Variants in TOM1L2 observed in about 807,000 individuals in gnomAD.
TOM1L2 encodes TOM1-like protein 2.
In TOM1L2, 31 loss-of-function variants were observed where a neutral mutation model predicts 67.9. That is an observed-to-expected ratio of 0.46 (90% confidence interval 0.34 to 0.62). The LOEUF (loss-of-function observed/expected upper bound fraction) is 0.62, where lower values mean the gene tolerates loss of function less well. Among genes scored for constraint, TOM1L2 ranks in the 20% least tolerant of loss-of-function variants. The pLI is 0.01. For missense variants in TOM1L2, 606 were observed against 663.5 expected (o/e 0.91, Z 0.95); for synonymous variants, 256 against 254.0 (o/e 1.01, Z -0.07).
intron 1 of TOM1L2, among the ~76,000 whole-genome samples, chr17:17,912,412 GCTC>G (rs2039418435): frequency 6.8e-6 from 1 of 146,886 alleles, no homozygotes; most frequent in Non-Finnish European, 1.5e-5. Context: ...GGGCAGAGGG[GCTC>G]CTCACTTCTC....
At chr17:17,896,625 G>A (rs960285614) in intron 3 of TOM1L2, among the ~76,000 whole-genome samples, 2 of 152,190 alleles carry the variant, frequency 1.3e-5, no homozygotes, top group Admixed American at 6.5e-5. Flanking sequence ...TGCCAAACAG[G>A]ACCCTGGCAG....
At chr17:17,874,298 T>C (rs1205720497) in intron 7 of TOM1L2, among the ~76,000 whole-genome samples, 1 of 150,780 alleles carries the variant, frequency 6.6e-6, no homozygotes, top group Non-Finnish European at 1.5e-5. Flanking sequence ...TGAGATGGAG[T>C]CTTGCTCTGT....
intron 2 of TOM1L2, among the ~76,000 whole-genome samples, chr17:17,906,115 T>C (rs1338193673): frequency 6.9e-6 from 1 of 145,330 alleles, no homozygotes; most frequent in Non-Finnish European, 1.5e-5. Context: ...TTTTCTGTTG[T>C]TTTGTCTTCT....
At chr17:17,864,380 T>C (rs543030979) in intron 10 of TOM1L2, among the ~76,000 whole-genome samples, 46 of 151,130 alleles carry the variant, frequency 3.0e-4, no homozygotes, top group Middle Eastern at 3.5e-3. Context: ...CTGGCTAATT[T>C]TTTGTATTTT....
At chr17:17,878,219 C>T (rs1038932365) in intron 7 of TOM1L2, among the ~76,000 whole-genome samples, 1 of 152,230 alleles carries the variant, frequency 6.6e-6, no homozygotes, top group African/African-American at 2.4e-5. Context: ...ACATATTCAG[C>T]TGGATCTGCT....
At chr17:17,951,612 C>CA (rs1040733902) in intron 1 of TOM1L2, among the ~76,000 whole-genome samples, 24 of 152,028 alleles carry the variant, frequency 1.6e-4, no homozygotes, top group African/African-American at 5.3e-4. Flanking sequence ...GGGTTTTTAG[C>CA]AAAAAACCTT....
At chr17:17,966,311 G>C (rs1472805937) in intron 1 of TOM1L2, among the ~76,000 whole-genome samples, 5 of 152,102 alleles carry the variant, frequency 3.3e-5, no homozygotes, top group Non-Finnish European at 1.5e-5. Flanking sequence ...TATACAGATA[G>C]TACAGGGCCA....
intron 1 of TOM1L2, among the ~76,000 whole-genome samples, chr17:17,921,163 TCTC>T (rs1268285623): frequency 6.6e-6 from 1 of 152,124 alleles, no homozygotes; most frequent in African/African-American, 2.4e-5. Flanking sequence ...CCCAACTTAT[TCTC>T]CTGTCTGGAG....
At chr17:17,972,115 C>T (rs2042127574) in intron 1 of TOM1L2, 147 bp downstream of exon 1, 1 of 1,011,122 alleles carries the variant, frequency 9.9e-7, no homozygotes, top group Non-Finnish European at 1.4e-6. Context: ...ACCAGGATGC[C>T]CAGCCCGCTC....
chr17:17,894,971 A>ACATG (rs1555598763), intron 3 of TOM1L2, among the ~76,000 whole-genome samples: 4 of 65,830 alleles, frequency 6.1e-5, no homozygotes, highest in Non-Finnish European at 1.8e-4. Context: ...ATACATACAT[A>ACATG]CATACATGCA....
At chr17:17,860,661 T>C (rs2143691902) in intron 12 of TOM1L2, among the ~76,000 whole-genome samples, 1 of 152,340 alleles carries the variant, frequency 6.6e-6, no homozygotes, top group Middle Eastern at 3.4e-3. Context: ...GTTCCAGCTG[T>C]TGTCGGCAGC....
At chr17:17,943,209 G>T (rs1257730925) in intron 1 of TOM1L2, among the ~76,000 whole-genome samples, 1 of 152,158 alleles carries the variant, frequency 6.6e-6, no homozygotes, top group African/African-American at 2.4e-5. Context: ...GCAGAAGCAG[G>T]TCTCAAACTG....
intron 1 of TOM1L2, among the ~76,000 whole-genome samples, chr17:17,942,546 T>C (rs754753295): frequency 6.6e-6 from 1 of 152,144 alleles, no homozygotes; most frequent in Non-Finnish European, 1.5e-5. Flanking sequence ...TGGGCCGATA[T>C]GTATGGGCCG....
At chr17:17,853,112 T>C (rs528536433) in intron 12 of TOM1L2, among the ~76,000 whole-genome samples, 1 of 152,314 alleles carries the variant, frequency 6.6e-6, no homozygotes, top group East Asian at 1.9e-4. Context: ...GAGACATTCC[T>C]GGAACAGGAC....
chr17:17,880,434 A>G (rs950966), intron 6 of TOM1L2, among the ~76,000 whole-genome samples: 68,169 of 152,110 alleles, frequency 0.45, 17,689 homozygotes, highest in Non-Finnish European at 0.61. Flanking sequence ...CAACAGAGAC[A>G]TCATACACTT....
chr17:17,926,351 A>G (rs1238590586), intron 1 of TOM1L2, among the ~76,000 whole-genome samples: 1 of 152,112 alleles, frequency 6.6e-6, no homozygotes, highest in Admixed American at 6.5e-5. Flanking sequence ...GTCCCAAAGG[A>G]GGTCACCCAG....
At chr17:17,847,891 C>A in intron 14 of TOM1L2, 108 bp from the exon 15 acceptor site, 1 of 1,481,602 alleles carries the variant, frequency 6.7e-7, no homozygotes. Context: ...AGGCATGAAG[C>A]CCACCTAGGA....
At chr17:17,921,849 G>T (rs1458724463) in intron 1 of TOM1L2, among the ~76,000 whole-genome samples, 2 of 152,178 alleles carry the variant, frequency 1.3e-5, no homozygotes, top group Non-Finnish European at 2.9e-5. Context: ...GCGCCTCCCA[G>T]GGGCTGTTCC....
At chr17:17,921,075 C>CAGA (rs2039848021) in intron 1 of TOM1L2, among the ~76,000 whole-genome samples, 1 of 152,196 alleles carries the variant, frequency 6.6e-6, no homozygotes, top group Non-Finnish European at 1.5e-5. Context: ...TGATCCGATC[C>CAGA]AGAATACCAC....
Sources: gnomAD v4.1 joint callset for allele counts (sites outside exome capture counted in the v4.1 genomes callset) on GRCh38, gnomAD v4.1.1 for gene constraint, MANE v1.5 for transcripts, NCBI Gene and HGNC (gene_info 2026-07-23, HGNC 2026-07-21) for gene names.